The following SNCAIP variants were observed in gnomAD, a reference collection of about 807,000 sequenced individuals.
SNCAIP encodes the protein synuclein alpha interacting protein, also known as synphilin-1.
SNCAIP carries 43 observed loss-of-function variants against 86.7 expected under a neutral mutation model. The ratio of observed to expected loss-of-function variants is 0.50; its 90% CI spans 0.39 to 0.64. The LOEUF (loss-of-function observed/expected upper bound fraction) is 0.64, where lower values mean the gene tolerates loss of function less well. Ranked by LOEUF, SNCAIP falls within the 30% of genes least tolerant of loss-of-function variation. The pLI is 0.00. For synonymous variants in SNCAIP, 417 were observed against 427.2 expected (o/e 0.98, Z 0.29); for missense variants, 981 against 1,103.1 (o/e 0.89, Z 1.57).
chr5:122,463,236 G>A (rs556083842), intron 10 of SNCAIP, among the ~76,000 whole-genome samples: 77 of 152,294 alleles, frequency 5.1e-4, no homozygotes, highest in African/African-American at 1.8e-3. Context: ...ATTTCAATCA[G>A]TATGGTTGAG....
chr5:122,368,247 G>T (rs566706232), intron 1 of SNCAIP, among the ~76,000 whole-genome samples: 2 of 152,026 alleles, frequency 1.3e-5, no homozygotes, highest in South Asian at 2.1e-4. Context: ...AAATGGTTTC[G>T]CTGAGTACCA....
intron 1 of SNCAIP, among the ~76,000 whole-genome samples, chr5:122,330,134 T>A (rs1189742873): frequency 1.4e-5 from 2 of 137,976 alleles, no homozygotes; most frequent in Non-Finnish European, 3.2e-5. Context: ...TTTTTTTTTT[T>A]TTTTTGAGAC....
intron 1 of SNCAIP, among the ~76,000 whole-genome samples, chr5:122,381,023 T>C (rs952772598): frequency 1.3e-5 from 2 of 149,306 alleles, no homozygotes; most frequent in South Asian, 2.2e-4. Flanking sequence ...TTCTGTTGAT[T>C]TGGGGTGGAG....
At chr5:122,368,102 A>C (rs544430746) in intron 1 of SNCAIP, among the ~76,000 whole-genome samples, 1 of 152,276 alleles carries the variant, frequency 6.6e-6, no homozygotes, top group African/African-American at 2.4e-5. Context: ...AGACTTTGTC[A>C]TTCTGATAGA....
chr5:122,358,201 GTGTATATA>G (rs1341720704), intron 1 of SNCAIP, among the ~76,000 whole-genome samples: 5 of 128,608 alleles, frequency 3.9e-5, no homozygotes, highest in African/African-American at 8.6e-5. Context: ...GTGTGTGTGT[GTGTATATA>G]TATATATATA....
intron 5 of SNCAIP, among the ~76,000 whole-genome samples, chr5:122,425,820 C>G (rs1472968731): frequency 2.6e-5 from 4 of 152,190 alleles, no homozygotes; most frequent in Non-Finnish European, 5.9e-5. Context: ...CTTAACCACA[C>G]CTGGATCTAT....
At position 122,460,589 on chromosome 5, in the gene SNCAIP, A is replaced by G. The variant is rs978996076; in HGVS notation, c.2755-2902A>G. Among the ~76,000 whole-genome samples, 4 of 151,382 alleles carry G rather than the reference A, an allele frequency of 2.6e-5. No individual in the cohort carries two copies. In the South Asian group the frequency reaches 6.3e-4, roughly 24 times the overall value. On this transcript the variant is annotated intron_variant, in intron 10 of 10. Transcript: ENST00000261368. ...CACATTCCTGCTTCCTCTTCCTCCC[A>G]CCCCCATGAATATAGTTGTATCACT...
chr5:122,341,393 A>C (rs1757552064), intron 1 of SNCAIP, among the ~76,000 whole-genome samples: 1 of 152,228 alleles, frequency 6.6e-6, no homozygotes, highest in South Asian at 2.1e-4. Flanking sequence ...CACACTCTGA[A>C]ATATAAAAAT....
At chr5:122,364,256 C>T (rs565302459) in intron 1 of SNCAIP, among the ~76,000 whole-genome samples, 3 of 152,302 alleles carry the variant, frequency 2.0e-5, no homozygotes, top group African/African-American at 7.2e-5. Context: ...CAAGAAATAA[C>T]CATAAAAATG....
chr5:122,316,043 T>C (rs1561495123), intron 1 of SNCAIP, among the ~76,000 whole-genome samples: 1 of 152,166 alleles, frequency 6.6e-6, no homozygotes, highest in Non-Finnish European at 1.5e-5. Context: ...GGAGAAAAAT[T>C]CAGTTCCAGA....
intron 1 of SNCAIP, among the ~76,000 whole-genome samples, chr5:122,340,488 C>G (rs975175704): frequency 5.3e-5 from 8 of 152,140 alleles, no homozygotes; most frequent in Non-Finnish European, 8.8e-5. Flanking sequence ...ATACAAACTT[C>G]TCTGTTCCTC....
chr5:122,384,060 A>T (rs1387311661), intron 1 of SNCAIP, among the ~76,000 whole-genome samples: 1 of 152,206 alleles, frequency 6.6e-6, no homozygotes, highest in East Asian at 1.9e-4. Flanking sequence ...AGGGTAATTC[A>T]TTTGGAGTTA....
intron 1 of SNCAIP, among the ~76,000 whole-genome samples, chr5:122,360,892 A>T (rs1762069719): frequency 6.6e-6 from 1 of 152,160 alleles, no homozygotes; most frequent in South Asian, 2.1e-4. Context: ...TTATCTGAAT[A>T]ATCAGGAGAT....
intron 2 of SNCAIP, 82 bp from the exon 3 acceptor site, chr5:122,403,711 T>G (rs1222467836): frequency 1.3e-5 from 14 of 1,038,924 alleles, no homozygotes; most frequent in Non-Finnish European, 2.1e-5. Flanking sequence ...TCACTTATTG[T>G]GTTTTGTTTT....
intron 10 of SNCAIP, among the ~76,000 whole-genome samples, chr5:122,463,289 G>C (rs1009791338): frequency 4.6e-5 from 7 of 152,166 alleles, no homozygotes; most frequent in Admixed American, 2.6e-4. Context: ...TAGTAACTGT[G>C]TGTTATTACA....
At chr5:122,436,236 G>C (rs1581238836) in intron 6 of SNCAIP, among the ~76,000 whole-genome samples, 1 of 150,784 alleles carries the variant, frequency 6.6e-6, no homozygotes, top group Non-Finnish European at 1.5e-5. Flanking sequence ...TATAAGAATA[G>C]GTCTCCCTGG....
Position 122,450,781 on chromosome 5 carries a change from C to G in SNCAIP, c.1934C>G (p.Ala645Gly), listed in dbSNP as rs1003881652. ...QEKLSLEFQD[A>G]QASSRNSKKI... ...AAACTGTCCTTGGAATTCCAGGATGCTCAGGCTTCCTCTAGAAATTCTAAA... is the reference window on the plus strand; with the variant it reads ...AAACTGTCCTTGGAATTCCAGGATGGTCAGGCTTCCTCTAGAAATTCTAAA... The change falls in exon 10 of 11, where the codon GCT (alanine) becomes GGT (glycine). Residue 645 changes from alanine to glycine, a missense_variant. By Grantham distance (60) the Ala-to-Gly change is moderately conservative. Coordinates refer to ENST00000261368, the MANE Select transcript of SNCAIP (RefSeq NM_005460.4). The G allele has an allele frequency of 6.2e-7, 1 of 1,614,048 alleles. No homozygotes were observed. The highest frequency in any genetic ancestry group is 1.7e-5 in the Admixed American group (1 of 60,014).
At chr5:122,400,247 C>CTAAG (rs1396959115) in intron 2 of SNCAIP, among the ~76,000 whole-genome samples, 3 of 151,856 alleles carry the variant, frequency 2.0e-5, no homozygotes, top group Non-Finnish European at 4.4e-5. Flanking sequence ...ATGTGCCATG[C>CTAAG]TAAGGCATAT....
chr5:122,337,183 T>C (rs1352791923), intron 1 of SNCAIP, among the ~76,000 whole-genome samples: 1 of 152,150 alleles, frequency 6.6e-6, no homozygotes, highest in African/African-American at 2.4e-5. Context: ...TGCACATATA[T>C]TGTGGGTGCA....
Sources: allele counts gnomAD v4.1 joint callset (sites outside exome capture counted in the v4.1 genomes callset), GRCh38; gene constraint gnomAD v4.1.1; transcripts MANE v1.5; gene names NCBI Gene and HGNC (gene_info 2026-07-23, HGNC 2026-07-21).